The following ZRANB1 variants were observed in gnomAD, a reference collection of about 807,000 sequenced individuals.
ZRANB1 encodes ubiquitin thioesterase ZRANB1.
A neutral mutation model predicts 80.5 loss-of-function variants in ZRANB1; 16 were observed. That is an observed-to-expected ratio of 0.20 (90% CI 0.13 to 0.30). The LOEUF (loss-of-function observed/expected upper bound fraction) is 0.30. ZRANB1 is among the 10% of genes least tolerant of loss of function. ZRANB1 has a pLI of 1.00. For missense variants in ZRANB1, 576 were observed against 862.6 expected (o/e 0.67, Z 4.16); for synonymous variants, 291 against 293.1 (o/e 0.99, Z 0.07).
chr10:124,950,528 AACTT>A (rs1379440351), intron 1 of ZRANB1, among the ~76,000 whole-genome samples: 2 of 152,096 alleles, frequency 1.3e-5, no homozygotes, highest in Non-Finnish European at 2.9e-5. Context: ...CTTTTCTCAT[AACTT>A]AATTGTGTTG....
chr10:124,933,046 G>A, the ZRANB1 span, among the ~76,000 whole-genome samples: 1 of 151,348 alleles, frequency 6.6e-6, no homozygotes, highest in African/African-American at 2.4e-5. Context: ...TCTGGTTTTT[G>A]GTATTCTTAT....
intron 1 of ZRANB1, among the ~76,000 whole-genome samples, chr10:124,953,963 CTTTCTTTTCTT>C (rs1951665295): frequency 6.8e-6 from 1 of 146,852 alleles, no homozygotes; most frequent in Non-Finnish European, 1.5e-5. Context: ...TTTCTTTTCT[CTTTCTTTTCTT>C]TTTTTTCTGG....
intron 6 of ZRANB1, among the ~76,000 whole-genome samples, chr10:124,982,939 C>T (rs376132645): frequency 7.1e-4 from 108 of 152,328 alleles, no homozygotes; most frequent in African/African-American, 2.5e-3. Flanking sequence ...TATGTATGCA[C>T]ATCTGTATAA....
At chr10:124,944,607 C>A (rs1951564856) in intron 1 of ZRANB1, among the ~76,000 whole-genome samples, 1 of 151,424 alleles carries the variant, frequency 6.6e-6, no homozygotes, top group Non-Finnish European at 1.5e-5. Context: ...ATCTCAGCCT[C>A]CCCAGTAGCT....
the ZRANB1 span, among the ~76,000 whole-genome samples, chr10:124,931,389 G>C: frequency 2.0e-5 from 3 of 152,068 alleles, no homozygotes; most frequent in Non-Finnish European, 2.9e-5. Context: ...ATTATTTTTT[G>C]AGACAGAGTC....
At chr10:124,940,568 A>G (rs139734694), upstream of ZRANB1, 7 of 1,281,654 alleles carry the variant, frequency 5.5e-6, no homozygotes, top group East Asian at 3.3e-4. Context: ...TTTTTATTTT[A>G]GCTATTAAGT....
At chr10:124,938,436 C>T (rs1049374550), upstream of ZRANB1, among the ~76,000 whole-genome samples, 26 of 152,148 alleles carry the variant, frequency 1.7e-4, 2 homozygotes, top group South Asian at 4.8e-3. Flanking sequence ...AAGCGATCCT[C>T]CTGCCTCAGC....
rs1952020519 is a variant in ZRANB1 at position 124,985,843 on chromosome 10, C to G, written c.*851C>G. 1 of 152,220 alleles carries G rather than the reference C, an allele frequency of 6.6e-6. No homozygotes were observed. The highest frequency in any genetic ancestry group is 2.1e-4 in the South Asian group (1 of 4,834). The allele number at this position is 152,220 out of a possible 1,614,324, so 9.4% of individuals were successfully genotyped here. On this transcript the variant is annotated 3_prime_UTR_variant, in exon 9 of 9. Coordinates refer to ENST00000359653, the MANE Select transcript of ZRANB1 (RefSeq NM_017580.3). ...TGTGTGAAATGTGCTCACTTGGACT[C>G]CATCAACAATGTGCTGCTCCCAGAT...
rs201153304 is a variant in ZRANB1, at chr10:124,977,275, CTT to C, written c.1427+2893_1427+2894del. On this transcript the variant is annotated intron_variant, in intron 5 of 8. Transcript: ENST00000359653. ...GGCATGAGCTACTACTGCACCTGGC[CTT>C]TTTTTTTTTTTTTTTCTTTTTTTAA... Among the ~76,000 whole-genome samples, 57 of 130,582 alleles carry C rather than the reference CTT, an allele frequency of 4.4e-4. 1 individual carries two copies. The highest frequency in any genetic ancestry group is 2.4e-3 in the South Asian group (10 of 4,092). 85.7% of individuals were successfully genotyped at this position (130,582 alleles called of 152,430 possible). A position where few individuals can be genotyped will look rare whatever the true frequency, so the allele number is the denominator to read the frequency against.
chr10:124,941,616 C>A (rs1353337387), upstream of ZRANB1, among the ~76,000 whole-genome samples: 1 of 152,116 alleles, frequency 6.6e-6, no homozygotes, highest in East Asian at 1.9e-4. Flanking sequence ...TCCCAAAATG[C>A]TGGGATTATA....
In ZRANB1 at chr10:124,966,842, C is replaced by T. The variant is rs1951781433; in HGVS notation, c.1002+61C>T. On this transcript the variant is annotated intron_variant, in intron 2 of 8. Transcript: ENST00000359653. Reference sequence around the variant, plus strand: ...TTAAAGAAACCTGTTCTTTAGTTTTCATTTTTGATTTTATAATGTTTCTCT... The same window carrying T: ...TTAAAGAAACCTGTTCTTTAGTTTTTATTTTTGATTTTATAATGTTTCTCT... 13 of 1,443,390 alleles carry T rather than the reference C, an allele frequency of 9.0e-6. No individual in the cohort carries two copies. In the South Asian group the frequency reaches 1.6e-4, roughly 17 times the overall value. 89.4% of individuals were successfully genotyped at this position (1,443,390 alleles called of 1,614,324 possible).
At position 124,983,932 on chromosome 10, in the gene ZRANB1, T is replaced by A. The variant is rs1285830709; in HGVS notation, c.1908+244T>A. On this transcript the variant is annotated intron_variant, in intron 8 of 8. Transcript: ENST00000359653. This position sits in a 1 kb window ranked among gnomAD's most constrained non-coding sequence, Gnocchi z 6.2. Reference sequence around the variant, plus strand: ...AAAAAGTAAAGATGAGGTTTGTGATTTAAATATGGCATTTTAGGGAATGAG... The same window carrying A: ...AAAAAGTAAAGATGAGGTTTGTGATATAAATATGGCATTTTAGGGAATGAG... 6.6e-6 allele frequency among the ~76,000 whole-genome samples: 1 copy of A among 152,188 alleles called. No individual in the cohort carries two copies. The highest frequency in any genetic ancestry group is 2.4e-5 in the African/African-American group (1 of 41,438).
At chr10:124,949,607 G>T (rs1374775800) in intron 1 of ZRANB1, among the ~76,000 whole-genome samples, 2 of 146,144 alleles carry the variant, frequency 1.4e-5, no homozygotes. Context: ...CTGCAGCCTT[G>T]ACCTCCTGGG....
At position 124,983,284 on chromosome 10, in the gene ZRANB1, T is replaced by C; in HGVS notation, c.1658T>C (p.Leu553Ser). ...TACAAGAGTTTCCGGGGAGAAACTT[T>C]AGGATATACTCGGTTTCAAGGTAAG... The part of the protein sequence containing the change: ...KYYKSFRGET[L>S]GYTRFQGVYL... Residue 553 changes from leucine (L) to serine (S), a missense_variant, in exon 7 of 9, where the codon TTA becomes TCA. This residue lies in a region of ZRANB1 where 152 missense variants were observed against 221.9 expected (regional missense o/e 0.69). Transcript: ENST00000359653. This position sits in a 1 kb window ranked among gnomAD's most constrained non-coding sequence, Gnocchi z 6.2. The C allele has an allele frequency of 6.2e-7, 1 of 1,613,946 alleles. No homozygotes were observed. The highest frequency in any genetic ancestry group is 8.5e-7 in the Non-Finnish European group (1 of 1,179,972).
chr10:124,954,966 A>G (rs926241861), intron 1 of ZRANB1, among the ~76,000 whole-genome samples: 2 of 150,882 alleles, frequency 1.3e-5, no homozygotes, highest in South Asian at 2.1e-4. Context: ...CATCTCTACT[A>G]AAAATACAAA....
chr10:124,918,149 T>C, the ZRANB1 span, among the ~76,000 whole-genome samples: 1 of 152,216 alleles, frequency 6.6e-6, no homozygotes, highest in African/African-American at 2.4e-5. Context: ...TGTTAATAAA[T>C]CTAATGTGCA....
At chr10:124,955,000 G>A (rs374194323) in intron 1 of ZRANB1, among the ~76,000 whole-genome samples, 17 of 150,744 alleles carry the variant, frequency 1.1e-4, no homozygotes, top group Middle Eastern at 3.4e-3. Flanking sequence ...GTGGTGGCAG[G>A]CGCCCGTAGT....
intron 1 of ZRANB1, among the ~76,000 whole-genome samples, chr10:124,951,632 C>G (rs1428711159): frequency 6.6e-6 from 1 of 151,952 alleles, no homozygotes; most frequent in Non-Finnish European, 1.5e-5. Flanking sequence ...TGATGACTTA[C>G]CTGAAGGCAC....
At chr10:124,952,337 A>G (rs1403519176) in intron 1 of ZRANB1, among the ~76,000 whole-genome samples, 2 of 152,218 alleles carry the variant, frequency 1.3e-5, no homozygotes, top group Admixed American at 1.3e-4. Context: ...AGATGGGACC[A>G]TGAGAAGAGA....
Sources: allele counts gnomAD v4.1 joint callset (sites outside exome capture counted in the v4.1 genomes callset), GRCh38; gene constraint gnomAD v4.1.1; regional missense constraint gnomAD v4.1.1; non-coding constraint Gnocchi (gnomAD v3.1); transcripts MANE v1.5; gene names NCBI Gene and HGNC (gene_info 2026-07-23, HGNC 2026-07-21).